Variants in PHLPP2 observed in about 807,000 individuals in gnomAD.
PHLPP2 encodes the protein PH domain and leucine rich repeat protein phosphatase 2.
In PHLPP2, 66 loss-of-function variants were observed where a neutral mutation model predicts 124.9. The observed-to-expected ratio is 0.53, with a 90% confidence interval of 0.43 to 0.65. PHLPP2 has a LOEUF of 0.65. Among genes scored for constraint, PHLPP2 ranks in the 30% least tolerant of loss-of-function variants. The pLI, the probability that PHLPP2 is intolerant of heterozygous loss-of-function variation, is 0.00. For missense variants in PHLPP2, 1,685 were observed against 1,600.4 expected (o/e 1.05, Z -0.90); for synonymous variants, 681 against 624.7 (o/e 1.09, Z -1.34).
chr16:71,713,703 T>C (rs2045338323), intron 2 of PHLPP2, among the ~76,000 whole-genome samples: 1 of 152,188 alleles, frequency 6.6e-6, no homozygotes. Context: ...CAATAATGTG[T>C]TGCATACAGC....
At chr16:71,664,157 T>C (rs753275909) in intron 12 of PHLPP2, 58 bp from the exon 13 acceptor site, 20 of 1,171,182 alleles carry the variant, frequency 1.7e-5, no homozygotes, top group Admixed American at 8.5e-5. Context: ...CCTTCCTATA[T>C]AGAAACCATC....
At chr16:71,690,948 C>T (rs2145354154) in intron 3 of PHLPP2, among the ~76,000 whole-genome samples, 1 of 152,272 alleles carries the variant, frequency 6.6e-6, no homozygotes, top group South Asian at 2.1e-4. Flanking sequence ...TACATTAACC[C>T]TTCTTCCAAC....
chr16:71,690,436 A>C, intron 4 of PHLPP2, 83 bp downstream of exon 4: 1 of 955,096 alleles, frequency 1.0e-6, no homozygotes, highest in Non-Finnish European at 1.6e-6. Flanking sequence ...AAAAGATATG[A>C]CTAAAAGCTA....
intron 1 of PHLPP2, among the ~76,000 whole-genome samples, chr16:71,722,683 A>T (rs907511159): frequency 2.6e-5 from 4 of 152,154 alleles, no homozygotes; most frequent in African/African-American, 9.7e-5. Context: ...ATCAAATTTA[A>T]ATTTTCTTTC....
At position 71,714,709 on chromosome 16, in the gene PHLPP2, C is replaced by A; in HGVS notation, c.87G>T (p.Lys29Asn). ...RERDWLREDV[K>N]RGCVYLYGAD... ...CTCCATAAAGGTAAACACAGCCTCTCTTTACATCTTCTCTTAGCCAGTCTC... is the reference window on the plus strand; with the variant it reads ...CTCCATAAAGGTAAACACAGCCTCTATTTACATCTTCTCTTAGCCAGTCTC... The change falls in exon 2 of 19, where the codon AAG (lysine) becomes AAT (asparagine). Residue 29 changes from lysine (K) to asparagine (N), a missense_variant. Transcript: ENST00000568954. The A allele has an allele frequency of 6.2e-7, 1 of 1,614,132 alleles. No individual in the cohort carries two copies. Among genetic ancestry groups the A allele is most frequent in the South Asian group, 1.1e-5 (1 of 91,074 alleles).
At chr16:71,651,280 G>A (rs1186521526) in intron 18 of PHLPP2, among the ~76,000 whole-genome samples, 1 of 151,100 alleles carries the variant, frequency 6.6e-6, no homozygotes, top group Non-Finnish European at 1.5e-5. Flanking sequence ...GGAGATTGTG[G>A]TGAGCCAAGA....
Position 71,676,570 on chromosome 16 carries a change from G to C in PHLPP2, c.1348C>G (p.Arg450Gly), listed in dbSNP as rs575871196. 1 of 1,613,950 alleles carries C rather than the reference G, an allele frequency of 6.2e-7. No homozygotes were observed. The highest frequency in any genetic ancestry group is 1.1e-5 in the South Asian group (1 of 91,078). The change falls in exon 9 of 19, where the codon CGA becomes GGA. Residue 450 changes from arginine (R) to glycine (G), a missense_variant. By Grantham distance (125) the Arg-to-Gly change is moderately radical. Coordinates refer to ENST00000568954, the MANE Select transcript of PHLPP2 (RefSeq NM_015020.3). The part of the protein sequence containing the change: ...HITHVDLRDN[R>G]LTDLDLSSLC... The stretch of plus-strand genomic sequence containing the variant: ...GAGCTAAGATCCAAGTCAGTCAGTC[G>C]GTTGTCCCGCAGATCCACGTGGGTG...
intron 12 of PHLPP2, 50 bp from the exon 13 acceptor site, chr16:71,664,149 T>C: frequency 8.0e-7 from 1 of 1,254,864 alleles, no homozygotes. Flanking sequence ...ATTTGCTGCC[T>C]TCCTATATAG....
At chr16:71,714,247 T>A (rs1029399608) in intron 2 of PHLPP2, among the ~76,000 whole-genome samples, 3 of 152,136 alleles carry the variant, frequency 2.0e-5, no homozygotes, top group African/African-American at 7.2e-5. Context: ...GCCAAAAAAA[T>A]TTAACTTTTA....
chr16:71,671,640 C>T (rs545763163), intron 10 of PHLPP2, among the ~76,000 whole-genome samples: 1 of 152,056 alleles, frequency 6.6e-6, no homozygotes, highest in African/African-American at 2.4e-5. Flanking sequence ...TCTGGCTGGG[C>T]TCGGTGGCTC....
rs1229593221 is a variant in PHLPP2, at chr16:71,690,412, T to C, written c.609+107A>G. ...CTGATATAATCTTTAATAATGCCCATACTGGCTTCTTTGAAAAGATATGAC... is the reference window on the plus strand; with the variant it reads ...CTGATATAATCTTTAATAATGCCCACACTGGCTTCTTTGAAAAGATATGAC... On this transcript the variant is annotated intron_variant, in intron 4 of 18. Coordinates refer to ENST00000568954, the MANE Select transcript of PHLPP2 (RefSeq NM_015020.3). 1.1e-5 allele frequency: 9 copies of C among 786,212 alleles called. No homozygotes were observed. In the Admixed American group the frequency reaches 1.4e-4, roughly 13 times the overall value. The allele number at this position is 786,212 out of a possible 1,614,324, so 48.7% of individuals were successfully genotyped here. A position where few individuals can be genotyped will look rare whatever the true frequency, so the allele number is the denominator to read the frequency against.
chr16:71,702,869 A>C (rs910666175), intron 2 of PHLPP2, 138 bp from the exon 3 acceptor site: 2 of 546,404 alleles, frequency 3.7e-6, no homozygotes, highest in African/African-American at 3.8e-5. Flanking sequence ...CTTAGTAGTG[A>C]AGTCTGGGCT....
At position 71,658,336 on chromosome 16, in the gene PHLPP2, T is replaced by A; in HGVS notation, c.2176A>T (p.Thr726Ser). ...QFVDLSCNDLTEILIPEALPA... is the reference protein window; with the variant it reads ...QFVDLSCNDLSEILIPEALPA... ...AAAGCCTCTGGAATCAGGATTTCTGTCAAGTCGTTGCAACTTAGGTCTACA... is the reference window on the plus strand; with the variant it reads ...AAAGCCTCTGGAATCAGGATTTCTGACAAGTCGTTGCAACTTAGGTCTACA... The change falls in exon 15 of 19, where the codon ACA becomes TCA. Residue 726 changes from threonine (T) to serine (S), a missense_variant. By Grantham distance (58) the Thr-to-Ser change is moderately conservative. Transcript: ENST00000568954. 5 of 1,613,872 alleles carry A rather than the reference T, an allele frequency of 3.1e-6. No individual in the cohort carries two copies. Among genetic ancestry groups the A allele is most frequent in the Non-Finnish European group, 4.2e-6 (5 of 1,179,842 alleles).
chr16:71,696,421 G>A (rs1336264875), intron 3 of PHLPP2, among the ~76,000 whole-genome samples: 1 of 152,102 alleles, frequency 6.6e-6, no homozygotes, highest in Non-Finnish European at 1.5e-5. Flanking sequence ...CAGATCACCT[G>A]AGGTCAGGAG....
At chr16:71,656,353 G>A (rs747073816) in intron 16 of PHLPP2, among the ~76,000 whole-genome samples, 12 of 152,200 alleles carry the variant, frequency 7.9e-5, no homozygotes, top group Admixed American at 2.0e-4. Context: ...TCTTAGCCAT[G>A]AAAGGGGGTG....
At chr16:71,693,891 A>T (rs562111680) in intron 3 of PHLPP2, among the ~76,000 whole-genome samples, 5 of 152,300 alleles carry the variant, frequency 3.3e-5, no homozygotes, top group Admixed American at 2.6e-4. Flanking sequence ...TATATCATAT[A>T]TGTATATTAG....
At chr16:71,690,447 T>C (rs2045099042) in intron 4 of PHLPP2, 72 bp downstream of exon 4, 1 of 1,034,162 alleles carries the variant, frequency 9.7e-7, no homozygotes, top group South Asian at 1.5e-5. Context: ...CTAAAAGCTA[T>C]GAAAAGCATT....
intron 1 of PHLPP2, 55 bp from the exon 2 acceptor site, chr16:71,714,856 C>T (rs1254312554): frequency 8.4e-6 from 13 of 1,555,566 alleles, no homozygotes; most frequent in Non-Finnish European, 1.1e-5. Context: ...CTGAATTAGA[C>T]ATTTCAGTCC....
intron 4 of PHLPP2, among the ~76,000 whole-genome samples, chr16:71,685,182 C>T (rs1290555340): frequency 6.6e-6 from 1 of 152,174 alleles, no homozygotes; most frequent in Non-Finnish European, 1.5e-5. Context: ...AAAAAATTAG[C>T]CGGGTGTGGT....
Sources: allele counts gnomAD v4.1 joint callset (sites outside exome capture counted in the v4.1 genomes callset), GRCh38; gene constraint gnomAD v4.1.1; transcripts MANE v1.5; gene names NCBI Gene and HGNC (gene_info 2026-07-23, HGNC 2026-07-21).